Variants in SLF1 observed in about 807,000 individuals in gnomAD.
The protein encoded by SLF1 is SMC5-SMC6 complex localization factor protein 1.
SLF1 carries 105 observed loss-of-function variants against 123.0 expected under a neutral mutation model. The observed-to-expected ratio is 0.85, with a 90% CI of 0.73 to 1.00. The LOEUF is 1.00. SLF1 is among the 50% of genes least tolerant of loss of function. The pLI, the probability that SLF1 is intolerant of heterozygous loss-of-function variation, is 0.00. For synonymous variants in SLF1, 434 were observed against 406.6 expected, an observed-to-expected ratio of 1.07 and a Z score of -0.81; for missense variants, 1,239 against 1,223.0, an observed-to-expected ratio of 1.01 and a Z score of -0.20.
chr5:94,695,289 C>G lies in SLF1; in HGVS notation c.3154C>G (p.Arg1052Gly), dbSNP rs745656993. Residue 1052 changes from arginine to glycine, a missense_variant, in exon 21 of 21, where the codon CGG becomes GGG. By Grantham distance (125) the Arg-to-Gly change is moderately radical. Coordinates refer to ENST00000265140, the MANE Select transcript of SLF1 (RefSeq NM_032290.4). ...GATGATAACATTGGAAATGATGTGT[C>G]GGTCAGTCATGGAGTTTTCATGATG... is the stretch of plus-strand genomic sequence containing the variant. ...ALMITLEMMCRSVMEFS is the reference protein window; with the variant it reads ...ALMITLEMMCGSVMEFS 2.5e-6 allele frequency: 4 copies of G among 1,609,704 alleles called. No individual in the cohort carries two copies. The highest frequency in any genetic ancestry group is 3.4e-6 in the Non-Finnish European group (4 of 1,177,484).
Position 94,693,370 on chromosome 5 carries a change from G to A in SLF1, c.2695+1114G>A, listed in dbSNP as rs56018722. 2.8e-3 allele frequency among the ~76,000 whole-genome samples: 424 copies of A among 151,896 alleles called. 1 individual carries two copies. Among genetic ancestry groups the A allele is most frequent in the Non-Finnish European group, 5.3e-3 (359 of 67,924 alleles). On this transcript the variant is annotated intron_variant, in intron 20 of 20. Transcript: ENST00000265140. ...TAATGTTTTATTTTTCTACTCAGCC[G>A]TGTGTCTGGCATTCAGGCCAATATT...
At chr5:94,630,799 G>T (rs1461804831) in intron 4 of SLF1, 56 bp downstream of exon 4, 1 of 1,504,442 alleles carries the variant, frequency 6.6e-7, no homozygotes, top group Non-Finnish European at 8.9e-7. Context: ...ATTTTGATTT[G>T]CATGAGTACT....
chr5:94,630,961 A>G (rs1745133205), intron 4 of SLF1, among the ~76,000 whole-genome samples: 1 of 152,082 alleles, frequency 6.6e-6, no homozygotes, highest in East Asian at 1.9e-4. Context: ...GGATATCTCT[A>G]TTTTACTTTC....
rs140191160 is a variant in SLF1 at position 94,636,710 on chromosome 5, A to ATTT, written c.431+5990_431+5992dup. Among the ~76,000 whole-genome samples, 328 of 75,482 alleles carry ATTT rather than the reference A, an allele frequency of 4.3e-3. 12 individuals carry two copies. Among genetic ancestry groups the ATTT allele is most frequent in the East Asian group, 6.3e-3 (16 of 2,532 alleles). 49.5% of individuals were successfully genotyped at this position (75,482 alleles called of 152,430 possible). ...ATCTGTATGTTCTTGTATTTTACTG[A>ATTT]TTTTTTTTTTTTTTTTTTTTTTTTT... is the stretch of plus-strand genomic sequence containing the variant. On this transcript the variant is annotated intron_variant, in intron 4 of 20. Coordinates refer to ENST00000265140, the MANE Select transcript of SLF1 (RefSeq NM_032290.4).
upstream of SLF1, chr5:94,618,357 G>T (rs1300409630): frequency 6.5e-6 from 1 of 152,798 alleles, no homozygotes; most frequent in Non-Finnish European, 1.5e-5. Context: ...GCTGCACTGG[G>T]TGTCAAGCGC....
chr5:94,643,544 A>G, intron 5 of SLF1, 109 bp downstream of exon 5: 2 of 740,236 alleles, frequency 2.7e-6, no homozygotes, highest in East Asian at 3.4e-5. Context: ...TTGAAACTAC[A>G]TTGGTAGTAA....
Position 94,692,265 on chromosome 5 carries a change from G to T in SLF1, c.2695+9G>T. On this transcript the variant is annotated intron_variant, in intron 20 of 20. Coordinates refer to ENST00000265140, the MANE Select transcript of SLF1 (RefSeq NM_032290.4). ...GCTACTACAGCATGGGGGTGAGTGTGTTTATGCTAAATGGGTTTTGATAAA... is the reference window on the plus strand; with the variant it reads ...GCTACTACAGCATGGGGGTGAGTGTTTTTATGCTAAATGGGTTTTGATAAA... The T allele has an allele frequency of 6.2e-7, 1 of 1,606,258 alleles. No individual in the cohort carries two copies. The highest frequency in any genetic ancestry group is 8.5e-7 in the Non-Finnish European group (1 of 1,175,356).
chr5:94,695,251 A>C lies in SLF1; in HGVS notation c.3116A>C (p.His1039Pro). The change falls in exon 21 of 21, where the codon CAC (histidine) becomes CCC (proline). Residue 1039 changes from histidine (H) to proline (P), a missense_variant. Coordinates refer to ENST00000265140, the MANE Select transcript of SLF1 (RefSeq NM_032290.4). ...AATTTGAAAGTGTGTCCTGGGGTAC[A>C]CACTGAGGCCTTGATGATAACATTG... is the stretch of plus-strand genomic sequence containing the variant. ...PENLKVCPGV[H>P]TEALMITLEM... is the part of the protein sequence containing the mutation. 6.2e-7 allele frequency: 1 copy of C among 1,612,274 alleles called. No individual in the cohort carries two copies. Among genetic ancestry groups the C allele is most frequent in the Non-Finnish European group, 8.5e-7 (1 of 1,178,744 alleles).
chr5:94,683,371 G>A (rs890052910), intron 15 of SLF1, among the ~76,000 whole-genome samples: 2 of 152,124 alleles, frequency 1.3e-5, no homozygotes, highest in African/African-American at 2.4e-5. Flanking sequence ...TTTCTATACA[G>A]TGGAAGAAGT....
intron 1 of SLF1, among the ~76,000 whole-genome samples, chr5:94,623,898 A>G (rs1450119399): frequency 6.6e-6 from 1 of 152,182 alleles, no homozygotes; most frequent in Non-Finnish European, 1.5e-5. Context: ...ATTCCTACAT[A>G]TATAGTTTTC....
intron 4 of SLF1, among the ~76,000 whole-genome samples, chr5:94,634,400 T>C (rs940128473): frequency 6.6e-6 from 1 of 152,210 alleles, no homozygotes; most frequent in Admixed American, 6.5e-5. Flanking sequence ...CTAATTTTCT[T>C]TGGACTTTCA....
chr5:94,631,970 CTT>C (rs1021934536), intron 4 of SLF1, among the ~76,000 whole-genome samples: 3 of 108,786 alleles, frequency 2.8e-5, no homozygotes, highest in Non-Finnish European at 3.7e-5. Flanking sequence ...TTTTTTCTTT[CTT>C]TTTTTTTTTT....
intron 5 of SLF1, among the ~76,000 whole-genome samples, chr5:94,644,875 C>G (rs551297796): frequency 6.6e-6 from 1 of 152,282 alleles, no homozygotes; most frequent in Non-Finnish European, 1.5e-5. Context: ...TTGTTTTATT[C>G]TGATCACCTC....
chr5:94,634,365 C>T (rs1585114172), intron 4 of SLF1, among the ~76,000 whole-genome samples: 1 of 152,120 alleles, frequency 6.6e-6, no homozygotes, highest in Non-Finnish European at 1.5e-5. Flanking sequence ...TGCACCTATG[C>T]GTTCAACTTT....
chr5:94,687,199 G>C (rs34818780), intron 16 of SLF1, among the ~76,000 whole-genome samples: 22,267 of 152,186 alleles, frequency 0.15, 1,813 homozygotes, highest in East Asian at 0.32. Flanking sequence ...CAGCGGCCGT[G>C]CTGAGTGCCT....
Position 94,629,957 on chromosome 5 carries a change from C to T in SLF1, c.191-546C>T, listed in dbSNP as rs142935039. On this transcript the variant is annotated intron_variant, in intron 3 of 20. Coordinates refer to ENST00000265140, the MANE Select transcript of SLF1 (RefSeq NM_032290.4). ...CCAAGGAGTTTAAGACCAGCCTGGG[C>T]AACGTAGCGAGATCTCATCTCTTAA... Among the ~76,000 whole-genome samples the T allele has an allele frequency of 2.8e-3, 422 of 151,658 alleles. 4 individuals carry two copies. Among genetic ancestry groups the T allele is most frequent in the African/African-American group, 9.2e-3 (381 of 41,350 alleles).
intron 10 of SLF1, 71 bp downstream of exon 10, chr5:94,662,422 G>C (rs1749229052): frequency 7.5e-7 from 1 of 1,325,142 alleles, no homozygotes; most frequent in Non-Finnish European, 1.0e-6. Flanking sequence ...TAGTTATTTT[G>C]AATAAAAGTA....
chr5:94,645,055 T>C (rs996551726), intron 5 of SLF1, among the ~76,000 whole-genome samples: 1 of 152,214 alleles, frequency 6.6e-6, no homozygotes, highest in Non-Finnish European at 1.5e-5. Context: ...GGAATAGGTC[T>C]GCTTGGACTA....
intron 7 of SLF1, 35 bp downstream of exon 7, chr5:94,651,880 A>C (rs1195652646): frequency 2.6e-6 from 3 of 1,157,262 alleles, no homozygotes; most frequent in Non-Finnish European, 2.3e-6. Flanking sequence ...ATTTATTTTT[A>C]ATATATATAG....
Sources: gnomAD v4.1 joint callset for allele counts (sites outside exome capture counted in the v4.1 genomes callset) on GRCh38, gnomAD v4.1.1 for gene constraint, MANE v1.5 for transcripts, NCBI Gene and HGNC (gene_info 2026-07-23, HGNC 2026-07-21) for gene names.